GPCPD1: variants seen among roughly 807,000 people sequenced by gnomAD.
GPCPD1 encodes glycerophosphocholine phosphodiesterase GPCPD1.
Under a neutral mutation model 89.2 loss-of-function variants are expected in GPCPD1, and 29 were observed. The observed-to-expected ratio is 0.33, with a 90% confidence interval of 0.24 to 0.44. The LOEUF is 0.44. GPCPD1 is among the 20% of genes least tolerant of loss of function. The pLI is 1.00. For synonymous variants in GPCPD1, 258 were observed against 266.3 expected (o/e 0.97, Z 0.30); for missense variants, 594 against 808.9 (o/e 0.73, Z 3.22).
At chr20:5,585,606 A>G (rs936559273) in intron 5 of GPCPD1, 11 of 147,224 alleles carry the variant, frequency 7.5e-5, no homozygotes, top group African/African-American at 2.3e-4. Flanking sequence ...TTAAAAGAAA[A>G]CAACTTACAA....
At position 5,604,438 on chromosome 20, in the gene GPCPD1, G is replaced by A. The variant is rs371484140; in HGVS notation, c.-26C>T. On this transcript the variant is annotated splice_region_variant and 5_prime_UTR_variant, in exon 2 of 20. The change creates a new upstream start codon in the 5' untranslated region. Transcript: ENST00000379019. ...TCTGATGGATTTATTTTATGATGTC[G>A]TGCTAGGAAAAAAAAGAAAAGTAAC... 5.7e-5 allele frequency: 86 copies of A among 1,495,754 alleles called. No homozygotes were observed. The highest frequency in any genetic ancestry group is 2.1e-4 in the Admixed American group (11 of 52,880). 92.7% of individuals were successfully genotyped at this position (1,495,754 alleles called of 1,614,324 possible).
intron 10 of GPCPD1, chr20:5,574,250 G>C (rs1978284975): frequency 5.4e-6 from 2 of 373,032 alleles, no homozygotes; most frequent in African/African-American, 2.1e-5. Context: ...CATGTAAAGT[G>C]ATCAATAAAA....
intron 17 of GPCPD1, among the ~76,000 whole-genome samples, chr20:5,559,205 A>G (rs1038781041): frequency 1.3e-5 from 2 of 152,152 alleles, no homozygotes; most frequent in Non-Finnish European, 2.9e-5. Context: ...TGTCTCAAAT[A>G]AATAAATAGA....
chr20:5,576,961 T>C (rs1271143049), intron 8 of GPCPD1, among the ~76,000 whole-genome samples: 3 of 152,098 alleles, frequency 2.0e-5, no homozygotes, highest in African/African-American at 7.2e-5. Context: ...TCTCAGCACT[T>C]TGAGGGGCCG....
intron 1 of GPCPD1, among the ~76,000 whole-genome samples, chr20:5,607,752 AG>A (rs1307997894): frequency 6.6e-6 from 1 of 150,446 alleles, no homozygotes; most frequent in Non-Finnish European, 1.5e-5. Context: ...CAGAAGGTGG[AG>A]GTTGCAGTGA....
chr20:5,610,092 A>G (rs1980857466), intron 1 of GPCPD1, among the ~76,000 whole-genome samples: 1 of 152,206 alleles, frequency 6.6e-6, no homozygotes, highest in African/African-American at 2.4e-5. Context: ...AGAATCCTCT[A>G]CAATTCATGC....
At chr20:5,599,183 C>CA (rs1651286102) in intron 2 of GPCPD1, among the ~76,000 whole-genome samples, 1 of 152,158 alleles carries the variant, frequency 6.6e-6, no homozygotes, top group Admixed American at 6.5e-5. Flanking sequence ...AAATGCCTAT[C>CA]AGTACTCTAA....
Position 5,602,451 on chromosome 20 carries a change from T to G in GPCPD1, c.49+1913A>C, listed in dbSNP as rs1202136254. Among the ~76,000 whole-genome samples the G allele has an allele frequency of 2.0e-5, 3 of 152,230 alleles. No homozygotes were observed. In the East Asian group the frequency reaches 5.8e-4, roughly 29 times the overall value. On this transcript the variant is annotated intron_variant, in intron 2 of 19. Coordinates refer to ENST00000379019, the MANE Select transcript of GPCPD1 (RefSeq NM_019593.5). ...CAAGGGAGCCAACCCATCAGCTGAC[T>G]AGCAATCTTCAATCTGCTCAATTCT...
chr20:5,579,108 G>C (rs6038209), intron 7 of GPCPD1, among the ~76,000 whole-genome samples: 4 of 151,870 alleles, frequency 2.6e-5, no homozygotes, highest in Admixed American at 2.0e-4. Context: ...TCACTTGAGC[G>C]TGAGAGGTGG....
intron 3 of GPCPD1, among the ~76,000 whole-genome samples, chr20:5,597,996 T>C (rs1177062454): frequency 6.6e-6 from 1 of 152,088 alleles, no homozygotes; most frequent in Non-Finnish European, 1.5e-5. Context: ...ATCAAGAATA[T>C]GTACTTACCA....
chr20:5,582,125 G>T (rs528925315), intron 6 of GPCPD1, among the ~76,000 whole-genome samples: 11 of 132,300 alleles, frequency 8.3e-5, no homozygotes, highest in Admixed American at 5.9e-4. Flanking sequence ...GGCGGAGCTT[G>T]CAGTGAGCCG....
chr20:5,582,706 T>C (rs920268937), intron 6 of GPCPD1, among the ~76,000 whole-genome samples: 6 of 151,884 alleles, frequency 4.0e-5, no homozygotes, highest in Admixed American at 2.0e-4. Flanking sequence ...CTGACCAATA[T>C]AGCAAAACCC....
At chr20:5,592,807 T>G (rs1421097403) in intron 4 of GPCPD1, among the ~76,000 whole-genome samples, 3 of 152,202 alleles carry the variant, frequency 2.0e-5, no homozygotes, top group African/African-American at 7.2e-5. Context: ...AGAATAGATA[T>G]GCCAAAGGCC....
At chr20:5,575,354 G>GT (rs1288198003) in intron 10 of GPCPD1, 59 bp downstream of exon 10, 1 of 1,212,640 alleles carries the variant, frequency 8.2e-7, no homozygotes, top group South Asian at 1.4e-5. Context: ...GAAAACCAGT[G>GT]TAACTCTACC....
At chr20:5,610,811 C>T (rs1980923685) in intron 1 of GPCPD1, 31 bp downstream of exon 1, 1 of 151,284 alleles carries the variant, frequency 6.6e-6, no homozygotes, top group South Asian at 1.9e-4. Context: ...TGAGTGGCCG[C>T]CCGGCCCCCG....
intron 8 of GPCPD1, among the ~76,000 whole-genome samples, chr20:5,576,382 T>C (rs1436745236): frequency 1.4e-5 from 2 of 139,746 alleles, no homozygotes; most frequent in Non-Finnish European, 3.0e-5. Flanking sequence ...ATCGTACCAC[T>C]GCACTCCAGC....
chr20:5,573,811 A>G, intron 11 of GPCPD1, 104 bp downstream of exon 11: 2 of 774,880 alleles, frequency 2.6e-6, no homozygotes, highest in Non-Finnish European at 4.6e-6. Context: ...ATCTGAATAT[A>G]AATGCCAAGA....
chr20:5,552,566 T>C (rs1470741143), intron 19 of GPCPD1, among the ~76,000 whole-genome samples: 1 of 152,248 alleles, frequency 6.6e-6, no homozygotes, highest in Non-Finnish European at 1.5e-5. Context: ...AGAAAATATT[T>C]GTAATCATTC....
At chr20:5,581,989 C>A (rs1339407017) in intron 6 of GPCPD1, among the ~76,000 whole-genome samples, 1 of 148,106 alleles carries the variant, frequency 6.8e-6, no homozygotes, top group Non-Finnish European at 1.5e-5. Flanking sequence ...TCGAGACCAT[C>A]CTGGCTAACA....
Sources: gnomAD v4.1 joint callset for allele counts (sites outside exome capture counted in the v4.1 genomes callset) on GRCh38, gnomAD v4.1.1 for gene constraint, MANE v1.5 for transcripts, NCBI Gene and HGNC (gene_info 2026-07-23, HGNC 2026-07-21) for gene names.